SEMA6D: variants seen among roughly 807,000 people sequenced by gnomAD.
The protein encoded by SEMA6D is semaphorin-6D.
A neutral mutation model predicts 106.6 loss-of-function variants in SEMA6D; 35 were observed. The ratio of observed to expected loss-of-function variants is 0.33; its 90% CI spans 0.25 to 0.44. The LOEUF (loss-of-function observed/expected upper bound fraction) is 0.44. Ranked by LOEUF, SEMA6D falls within the 20% of genes least tolerant of loss-of-function variation. SEMA6D has a pLI of 1.00. For synonymous variants in SEMA6D, 499 were observed against 487.7 expected, an observed-to-expected ratio of 1.02 and a Z score of -0.31; for missense variants, 1,185 against 1,345.9, an observed-to-expected ratio of 0.88 and a Z score of 1.87.
At chr15:47,189,720 A>G (rs778266927) in intron 1 of SEMA6D, among the ~76,000 whole-genome samples, 23 of 152,346 alleles carry the variant, frequency 1.5e-4, no homozygotes, top group Non-Finnish European at 1.9e-4. Flanking sequence ...CTTCAAGTCT[A>G]AAATGCAGAT....
chr15:47,546,825 C>T (rs1418408244), intron 3 of SEMA6D, among the ~76,000 whole-genome samples: 3 of 151,942 alleles, frequency 2.0e-5, no homozygotes, highest in African/African-American at 7.3e-5. Context: ...TGACCAGGGG[C>T]ATCTGTGCCC....
At chr15:47,621,161 G>A (rs1379307195) in intron 4 of SEMA6D, among the ~76,000 whole-genome samples, 2 of 152,116 alleles carry the variant, frequency 1.3e-5, no homozygotes, top group Non-Finnish European at 2.9e-5. Context: ...CTTCCCCTAG[G>A]TGAACACATG....
Position 47,770,867 on chromosome 15 carries a change from G to A in SEMA6D, c.2304G>A (p.Leu768=). 1 of 1,613,670 alleles carries A rather than the reference G, an allele frequency of 6.2e-7. No individual in the cohort carries two copies. The highest frequency in any genetic ancestry group is 8.5e-7 in the Non-Finnish European group (1 of 1,179,914). Residue 768 remains leucine (L), a synonymous_variant, in exon 19 of 19, where the codon TTG becomes TTA. Transcript: ENST00000536845. ...ACCATCGAGGGCAACCTCCAGAGTT[G>A]GCTGCTCTTCCTACTCCTGAGTCTA... ...VMDHRGQPPE[L]AALPTPESTP...
At chr15:47,613,080 T>C (rs2076942521) in intron 4 of SEMA6D, among the ~76,000 whole-genome samples, 1 of 152,228 alleles carries the variant, frequency 6.6e-6, no homozygotes, top group Non-Finnish European at 1.5e-5. Context: ...CTGATTATTC[T>C]AAAATCTAAG....
intron 1 of SEMA6D, among the ~76,000 whole-genome samples, chr15:47,379,140 G>T (rs567834618): frequency 2.0e-5 from 3 of 152,138 alleles, no homozygotes; most frequent in African/African-American, 2.4e-5. Flanking sequence ...TGGTTAAGAC[G>T]TCTTTTATAT....
At chr15:47,203,053 A>C (rs1053156358) in intron 1 of SEMA6D, among the ~76,000 whole-genome samples, 8 of 152,150 alleles carry the variant, frequency 5.3e-5, no homozygotes, top group African/African-American at 1.7e-4. Flanking sequence ...TTATTTTCAA[A>C]AGGAGTCTGA....
At chr15:47,735,135 A>G (rs1304332952) in intron 1 of SEMA6D, among the ~76,000 whole-genome samples, 1 of 152,200 alleles carries the variant, frequency 6.6e-6, no homozygotes, top group Non-Finnish European at 1.5e-5. Context: ...TTTCAGCCCA[A>G]GAAGTTTTGT....
At chr15:47,327,931 G>C (rs1478466856) in intron 1 of SEMA6D, among the ~76,000 whole-genome samples, 1 of 152,126 alleles carries the variant, frequency 6.6e-6, no homozygotes, top group Admixed American at 6.5e-5. Context: ...CTATCTCAGC[G>C]TTATACCTAT....
intron 1 of SEMA6D, among the ~76,000 whole-genome samples, chr15:47,383,602 G>A (rs1452973701): frequency 1.3e-5 from 2 of 151,586 alleles, no homozygotes; most frequent in Non-Finnish European, 2.9e-5. Flanking sequence ...TTTTCTATGG[G>A]TCAGGCAATG....
chr15:47,312,866 C>A (rs914656309), intron 1 of SEMA6D, among the ~76,000 whole-genome samples: 5 of 152,056 alleles, frequency 3.3e-5, no homozygotes, highest in Non-Finnish European at 5.9e-5. Flanking sequence ...TAGCACATCT[C>A]AATTCAGATT....
At chr15:47,422,844 C>T (rs1197647975) in intron 2 of SEMA6D, among the ~76,000 whole-genome samples, 1 of 151,974 alleles carries the variant, frequency 6.6e-6, no homozygotes, top group African/African-American at 2.4e-5. Context: ...TTCTTATGCT[C>T]TCCAGAATAT....
intron 1 of SEMA6D, among the ~76,000 whole-genome samples, chr15:47,323,483 G>C (rs549311043): frequency 6.6e-5 from 10 of 152,192 alleles, no homozygotes; most frequent in Non-Finnish European, 1.3e-4. Flanking sequence ...AGTGCATGCT[G>C]TTTGGTCTAT....
Position 47,771,658 on chromosome 15 carries a change from C to G in SEMA6D, c.3095C>G (p.Thr1032Ser). 6.2e-7 allele frequency: 1 copy of G among 1,614,082 alleles called. No individual in the cohort carries two copies. Among genetic ancestry groups the G allele is most frequent in the Non-Finnish European group, 8.5e-7 (1 of 1,179,978 alleles). The change falls in exon 19 of 19, where the codon ACC becomes AGC. Residue 1032 changes from threonine (T) to serine (S), a missense_variant. Coordinates refer to ENST00000536845, the MANE Select transcript of SEMA6D (RefSeq NM_001358351.3). ...TCCCTCTCCAGACAGAGCAGCTACACCAGTAATGGCACTCTTCCTAGGACG... is the reference window on the plus strand; with the variant it reads ...TCCCTCTCCAGACAGAGCAGCTACAGCAGTAATGGCACTCTTCCTAGGACG... ...QPSLSRQSSY[T>S]SNGTLPRTGL...
intron 1 of SEMA6D, among the ~76,000 whole-genome samples, chr15:47,292,544 C>T (rs887902245): frequency 5.3e-5 from 8 of 152,046 alleles, no homozygotes; most frequent in African/African-American, 1.9e-4. Flanking sequence ...TTCAAGAAAG[C>T]TTGTTAACCA....
At chr15:47,627,934 A>G (rs1251348603) in intron 4 of SEMA6D, among the ~76,000 whole-genome samples, 3 of 152,118 alleles carry the variant, frequency 2.0e-5, no homozygotes, top group East Asian at 3.8e-4. Context: ...ATAAAATCAT[A>G]TAGTAAGTAA....
chr15:47,764,682 C>A lies in SEMA6D; in HGVS notation c.1142C>A (p.Thr381Asn). The change falls in exon 12 of 19, where the codon ACC becomes AAC. Residue 381 changes from threonine to asparagine, a missense_variant. This residue lies in a region of SEMA6D where 291 missense variants were observed against 423.8 expected (regional missense o/e 0.69). Coordinates refer to ENST00000536845, the MANE Select transcript of SEMA6D (RefSeq NM_001358351.3). ...CACGGCCTTGCCGAAGCTTATAAAACCTCCATCGATTTCCCGGATGAAACT... is the reference window on the plus strand; with the variant it reads ...CACGGCCTTGCCGAAGCTTATAAAAACTCCATCGATTTCCCGGATGAAACT... ...AKHGLAEAYK[T>N]SIDFPDETLS... The A allele has an allele frequency of 6.2e-7, 1 of 1,614,074 alleles. No homozygotes were observed. The highest frequency in any genetic ancestry group is 8.5e-7 in the Non-Finnish European group (1 of 1,179,920).
At chr15:47,720,907 A>G in intron 1 of SEMA6D, among the ~76,000 whole-genome samples, 1 of 152,244 alleles carries the variant, frequency 6.6e-6, no homozygotes. Flanking sequence ...AACCATTAGT[A>G]GTGTAACCGT....
intron 1 of SEMA6D, among the ~76,000 whole-genome samples, chr15:47,297,926 T>C (rs572153511): frequency 2.0e-5 from 3 of 152,178 alleles, no homozygotes; most frequent in Admixed American, 1.3e-4. Context: ...AGGTAAATCA[T>C]TGTGGGGCTG....
At chr15:47,386,365 G>C (rs147244714) in intron 1 of SEMA6D, among the ~76,000 whole-genome samples, 1 of 152,130 alleles carries the variant, frequency 6.6e-6, no homozygotes, top group Non-Finnish European at 1.5e-5. Context: ...AGCTACATTT[G>C]CCCAGGGTCT....
Sources: gnomAD v4.1 joint callset for allele counts (sites outside exome capture counted in the v4.1 genomes callset) on GRCh38, gnomAD v4.1.1 for gene constraint, gnomAD v4.1.1 regional missense constraint, MANE v1.5 for transcripts, NCBI Gene and HGNC (gene_info 2026-07-23, HGNC 2026-07-21) for gene names.